The following UBE2E1 variants were observed in gnomAD, a reference collection of about 807,000 sequenced individuals.
UBE2E1 encodes the protein ubiquitin-conjugating enzyme E2 E1.
In UBE2E1, 6 loss-of-function variants were observed where a neutral mutation model predicts 21.4. The observed-to-expected ratio is 0.28, with a 90% CI of 0.15 to 0.55. UBE2E1 has a LOEUF of 0.55. UBE2E1 is among the 20% of genes least tolerant of loss of function. The probability of loss-of-function intolerance (pLI) is 0.93; values close to 1 mark genes in which losing one functional copy is unlikely to be tolerated. For synonymous variants in UBE2E1, 87 were observed against 82.7 expected, an observed-to-expected ratio of 1.05 and a Z score of -0.28; for missense variants, 142 against 236.5, an observed-to-expected ratio of 0.60 and a Z score of 2.62.
rs1030733049 is a variant in UBE2E1 at position 23,863,927 on chromosome 3, C to T, written c.204-23640C>T. The stretch of plus-strand genomic sequence containing the variant: ...CTAACTCTGTTTATAGCTGTCATAC[C>T]GGATTCTCGTGTCACTGTCTTTTGG... On this transcript the variant is annotated intron_variant, in intron 3 of 5. Coordinates refer to ENST00000306627, the MANE Select transcript of UBE2E1 (RefSeq NM_003341.5). The surrounding 1 kb of genome is among the most constrained non-coding windows in gnomAD (Gnocchi z 4.3). Among the ~76,000 whole-genome samples, 11 of 152,160 alleles carry T rather than the reference C, an allele frequency of 7.2e-5. No homozygotes were observed. The highest frequency in any genetic ancestry group is 5.2e-4 in the Admixed American group (8 of 15,270).
At chr3:23,866,694 A>T (rs1700665132) in intron 3 of UBE2E1, among the ~76,000 whole-genome samples, 1 of 152,196 alleles carries the variant, frequency 6.6e-6, no homozygotes, top group African/African-American at 2.4e-5. Flanking sequence ...TCCTCTCCAC[A>T]CTAAGTACTG....
chr3:23,882,984 C>T (rs994090950), intron 3 of UBE2E1, among the ~76,000 whole-genome samples: 1 of 152,198 alleles, frequency 6.6e-6, no homozygotes, highest in Admixed American at 6.5e-5. Flanking sequence ...GGGGCTCCCA[C>T]AGTGCAGCAG....
At position 23,870,674 on chromosome 3, in the gene UBE2E1, C is replaced by CT. The variant is rs1243548626; in HGVS notation, c.204-16886dup. ...TTTCTTCAAGTTCCTATTTAAAATTCTTTTTTTATTTTATTTTATTTTATT... is the reference window on the plus strand; with the variant it reads ...TTTCTTCAAGTTCCTATTTAAAATTCTTTTTTTTATTTTATTTTATTTTATT... On this transcript the variant is annotated intron_variant, in intron 3 of 5. Transcript: ENST00000306627. The surrounding 1 kb of genome is among the most constrained non-coding windows in gnomAD (Gnocchi z 4.2). Among the ~76,000 whole-genome samples the CT allele has an allele frequency of 2.3e-5, 2 of 85,750 alleles. No homozygotes were observed. Among genetic ancestry groups the CT allele is most frequent in the Admixed American group, 1.3e-4 (1 of 7,486 alleles). 56.3% of individuals were successfully genotyped at this position (85,750 alleles called of 152,430 possible).
chr3:23,834,293 A>G (rs1036925160), intron 3 of UBE2E1, among the ~76,000 whole-genome samples: 4 of 152,140 alleles, frequency 2.6e-5, no homozygotes, highest in African/African-American at 9.7e-5. Flanking sequence ...TAGCAGCTTT[A>G]TTTTCTCATC....
chr3:23,806,873 C>G lies in UBE2E1; in HGVS notation c.-33-364C>G, dbSNP rs1699287198. 1 of 161,232 alleles carries G rather than the reference C, an allele frequency of 6.2e-6. No homozygotes were observed. Among genetic ancestry groups the G allele is most frequent in the Non-Finnish European group, 1.3e-5 (1 of 74,542 alleles). 10.0% of individuals were successfully genotyped at this position (161,232 alleles called of 1,614,324 possible). On this transcript the variant is annotated intron_variant, in intron 1 of 5. Coordinates refer to ENST00000306627, the MANE Select transcript of UBE2E1 (RefSeq NM_003341.5). This position sits in a 1 kb window ranked among gnomAD's most constrained non-coding sequence, Gnocchi z 6.5. The stretch of plus-strand genomic sequence containing the variant: ...AAAGCGGACAAAAACAGCCCCGAGG[C>G]CGGCCGGCCGCCGGGACCTTCCCTC...
intron 3 of UBE2E1, among the ~76,000 whole-genome samples, chr3:23,883,088 T>C (rs1436699771): frequency 6.6e-6 from 1 of 152,192 alleles, no homozygotes; most frequent in Non-Finnish European, 1.5e-5. Flanking sequence ...CTGTCACCTC[T>C]CCCCATCTTT....
chr3:23,829,013 C>T (rs758053589), intron 3 of UBE2E1, among the ~76,000 whole-genome samples: 2 of 152,066 alleles, frequency 1.3e-5, no homozygotes, highest in Admixed American at 6.6e-5. Flanking sequence ...TCCAGTGGTT[C>T]TGACAAGCTG....
At chr3:23,856,194 T>A (rs1199999712) in intron 3 of UBE2E1, among the ~76,000 whole-genome samples, 1 of 151,880 alleles carries the variant, frequency 6.6e-6, no homozygotes, top group East Asian at 1.9e-4. Context: ...GCCTTGCTAA[T>A]TTTTTTTGTA....
intron 3 of UBE2E1, among the ~76,000 whole-genome samples, chr3:23,839,473 A>AT (rs1559481679): frequency 6.6e-6 from 1 of 150,914 alleles, no homozygotes; most frequent in Admixed American, 6.6e-5. Context: ...CAAAAAAAGA[A>AT]AATAATAATA....
At chr3:23,881,307 AACT>A (rs1339064913) in intron 3 of UBE2E1, among the ~76,000 whole-genome samples, 2 of 152,008 alleles carry the variant, frequency 1.3e-5, no homozygotes, top group African/African-American at 4.8e-5. Flanking sequence ...TAGAAGAAAA[AACT>A]ATGTTATCTT....
chr3:23,818,856 G>A (rs957956605), intron 3 of UBE2E1, among the ~76,000 whole-genome samples: 1 of 152,152 alleles, frequency 6.6e-6, no homozygotes, highest in East Asian at 1.9e-4. Context: ...AGGAGTAGGA[G>A]GAAAGCCACA....
At chr3:23,880,752 A>T (rs1296567771) in intron 3 of UBE2E1, among the ~76,000 whole-genome samples, 1 of 152,234 alleles carries the variant, frequency 6.6e-6, no homozygotes, top group Admixed American at 6.5e-5. Flanking sequence ...TTAAAACAAA[A>T]AGAAAACATG....
intron 3 of UBE2E1, among the ~76,000 whole-genome samples, chr3:23,860,290 C>A (rs1390762261): frequency 2.0e-5 from 3 of 152,254 alleles, no homozygotes; most frequent in Middle Eastern, 3.4e-3. Context: ...GGTGACTGCA[C>A]CTCACTAAAT....
In UBE2E1 at chr3:23,816,171, A is replaced by G. The variant is rs1368413185; in HGVS notation, c.203+4661A>G. On this transcript the variant is annotated intron_variant, in intron 3 of 5. Coordinates refer to ENST00000306627, the MANE Select transcript of UBE2E1 (RefSeq NM_003341.5). The surrounding 1 kb of genome is among the most constrained non-coding windows in gnomAD (Gnocchi z 4.8). ...TCAGAAAGCTAAACAGAATTACCGT[A>G]TGACCCAGTAATTTTACTGCTATCT... 6.6e-6 allele frequency among the ~76,000 whole-genome samples: 1 copy of G among 152,236 alleles called. No homozygotes were observed. Among genetic ancestry groups the G allele is most frequent in the Non-Finnish European group, 1.5e-5 (1 of 68,040 alleles).
intron 3 of UBE2E1, among the ~76,000 whole-genome samples, chr3:23,869,370 T>C (rs1700729174): frequency 1.5e-5 from 2 of 136,994 alleles, no homozygotes; most frequent in African/African-American, 5.3e-5. Flanking sequence ...TTTTTTTTTT[T>C]TTTTTAAGGA....
rs1207095039 is a variant in UBE2E1 at position 23,810,554 on chromosome 3, C to T, written c.153-906C>T. On this transcript the variant is annotated intron_variant, in intron 2 of 5. Coordinates refer to ENST00000306627, the MANE Select transcript of UBE2E1 (RefSeq NM_003341.5). This position sits in a 1 kb window ranked among gnomAD's most constrained non-coding sequence, Gnocchi z 5.8. ...GTCCGGGGAGGTGGGCCGAGAGTCC[C>T]GGCCAGCGTGCGGGGCGGAGGCAGG... 6.5e-7 allele frequency: 1 copy of T among 1,529,176 alleles called. No individual in the cohort carries two copies. Among genetic ancestry groups the T allele is most frequent in the Admixed American group, 2.0e-5 (1 of 50,558 alleles). The allele number at this position is 1,529,176 out of a possible 1,614,324, so 94.7% of individuals were successfully genotyped here.
Position 23,810,753 on chromosome 3 carries a change from C to A in UBE2E1, c.153-707C>A. On this transcript the variant is annotated intron_variant, in intron 2 of 5. Coordinates refer to ENST00000306627, the MANE Select transcript of UBE2E1 (RefSeq NM_003341.5). The surrounding 1 kb of genome is among the most constrained non-coding windows in gnomAD (Gnocchi z 5.8). ...GCCCCCGTGCGGGCACCCTGTTCCC[C>A]TCCCCCGCCCGCAACTTCACCGGCG... 1 of 290,792 alleles carries A rather than the reference C, an allele frequency of 3.4e-6. No homozygotes were observed. Among genetic ancestry groups the A allele is most frequent in the Non-Finnish European group, 6.3e-6 (1 of 158,774 alleles). The allele number at this position is 290,792 out of a possible 1,614,324, so 18.0% of individuals were successfully genotyped here.
In UBE2E1 at chr3:23,806,912, G is replaced by GGCGCCCC. The variant is rs1206949775; in HGVS notation, c.-33-317_-33-311dup. On this transcript the variant is annotated intron_variant, in intron 1 of 5. Coordinates refer to ENST00000306627, the MANE Select transcript of UBE2E1 (RefSeq NM_003341.5). The surrounding 1 kb of genome is among the most constrained non-coding windows in gnomAD (Gnocchi z 6.5). ...GGACCTTCCCTCCCTGCCCCGCCGT[G>GGCGCCCC]GCGCCCCGCGCCCCCCGCCCTGCCC... 5.7e-5 allele frequency: 10 copies of GGCGCCCC among 175,340 alleles called. No individual in the cohort carries two copies. The highest frequency in any genetic ancestry group is 2.1e-4 in the African/African-American group (9 of 42,344). The allele number at this position is 175,340 out of a possible 1,614,324, so 10.9% of individuals were successfully genotyped here. A position where few individuals can be genotyped will look rare whatever the true frequency, so the allele number is the denominator to read the frequency against.
At chr3:23,811,953 A>G (rs1428380822) in intron 3 of UBE2E1, among the ~76,000 whole-genome samples, 1 of 152,228 alleles carries the variant, frequency 6.6e-6, no homozygotes, top group African/African-American at 2.4e-5. Context: ...TCCATAGCAT[A>G]TAGATTTTTT....
Sources: allele counts gnomAD v4.1 joint callset (sites outside exome capture counted in the v4.1 genomes callset), GRCh38; gene constraint gnomAD v4.1.1; non-coding constraint Gnocchi (gnomAD v3.1); transcripts MANE v1.5; gene names NCBI Gene and HGNC (gene_info 2026-07-23, HGNC 2026-07-21).